SLIT2: variants seen among roughly 807,000 people sequenced by gnomAD.
The protein encoded by SLIT2 is slit guidance ligand 2, also known as slit homolog 2 protein.
In SLIT2, 41 loss-of-function variants were observed where a neutral mutation model predicts 185.7. The ratio of observed to expected loss-of-function variants is 0.22; its 90% confidence interval spans 0.17 to 0.29. The LOEUF (loss-of-function observed/expected upper bound fraction) is 0.29. Ranked by LOEUF, SLIT2 falls within the 10% of genes least tolerant of loss-of-function variation. SLIT2 has a pLI of 1.00. For missense variants in SLIT2, 1,571 were observed against 1,909.0 expected, an observed-to-expected ratio of 0.82 and a Z score of 3.30; for synonymous variants, 693 against 680.2, an observed-to-expected ratio of 1.02 and a Z score of -0.29.
At position 20,417,667 on chromosome 4, in the gene SLIT2, G is replaced by A. The variant is rs182658040; in HGVS notation, c.396-50085G>A. On this transcript the variant is annotated intron_variant, in intron 4 of 36. Transcript: ENST00000504154. ...CTCCCGAGTAGCTGGGACTATAGGC[G>A]CACCACCACGCCCAGCTAATTTTTT... is the stretch of plus-strand genomic sequence containing the variant. 8.2e-3 allele frequency among the ~76,000 whole-genome samples: 1,241 copies of A among 151,384 alleles called. 16 individuals are homozygous for A. The highest frequency in any genetic ancestry group is 9.4e-3 in the Non-Finnish European group (635 of 67,854).
intron 28 of SLIT2, among the ~76,000 whole-genome samples, 184 bp from the exon 29 acceptor site, chr4:20,568,681 T>C (rs557114317): frequency 6.6e-6 from 1 of 152,222 alleles, no homozygotes; most frequent in East Asian, 1.9e-4. Flanking sequence ...GTTTCTGCTT[T>C]GGTGGATATT....
intron 4 of SLIT2, among the ~76,000 whole-genome samples, chr4:20,365,096 C>T (rs888770743): frequency 2.2e-4 from 33 of 152,084 alleles, no homozygotes; most frequent in African/African-American, 7.0e-4. Flanking sequence ...TGAGTGTGCT[C>T]GTTCTGCAAG....
At chr4:20,259,607 T>G (rs1712224308) in intron 3 of SLIT2, among the ~76,000 whole-genome samples, 1 of 151,830 alleles carries the variant, frequency 6.6e-6, no homozygotes, top group Admixed American at 6.6e-5. Flanking sequence ...ACTTTCATCT[T>G]GAATAAATTA....
intron 4 of SLIT2, among the ~76,000 whole-genome samples, chr4:20,426,445 A>C (rs1184543981): frequency 6.6e-6 from 1 of 152,236 alleles, no homozygotes; most frequent in African/African-American, 2.4e-5. Flanking sequence ...TTTGCAAAAT[A>C]GTCATATTTC....
intron 4 of SLIT2, among the ~76,000 whole-genome samples, chr4:20,269,230 G>A (rs1261060826): frequency 4.0e-5 from 6 of 151,852 alleles, no homozygotes; most frequent in Non-Finnish European, 8.8e-5. Context: ...AGTTGGCAGT[G>A]TGTTCTTATA....
intron 4 of SLIT2, among the ~76,000 whole-genome samples, chr4:20,303,322 T>C (rs1004147370): frequency 8.5e-5 from 13 of 152,312 alleles, no homozygotes; most frequent in Admixed American, 7.2e-4. Context: ...GTGCAGTGGC[T>C]CTTTATATTT....
intron 4 of SLIT2, among the ~76,000 whole-genome samples, chr4:20,280,060 AT>A (rs1470268764): frequency 6.6e-6 from 1 of 152,226 alleles, no homozygotes; most frequent in East Asian, 1.9e-4. Flanking sequence ...ACAGCTGGGC[AT>A]GGTGGCTCAT....
chr4:20,473,508 T>C lies in SLIT2; in HGVS notation c.467+5685T>C, dbSNP rs900068169. On this transcript the variant is annotated intron_variant, in intron 5 of 36. Coordinates refer to ENST00000504154, the MANE Select transcript of SLIT2 (RefSeq NM_004787.4). ...ACATTATTTATTAGCATAAAACGATTTGGCAAACAGGATAGAGAGAGTTCA... is the reference window on the plus strand; with the variant it reads ...ACATTATTTATTAGCATAAAACGATCTGGCAAACAGGATAGAGAGAGTTCA... Among the ~76,000 whole-genome samples, 3 of 151,966 alleles carry C rather than the reference T, an allele frequency of 2.0e-5. No individual in the cohort carries two copies. In the East Asian group the frequency reaches 5.8e-4, roughly 29 times the overall value.
intron 5 of SLIT2, among the ~76,000 whole-genome samples, chr4:20,472,256 A>ATATATG (rs1217834075): frequency 2.2e-4 from 5 of 22,778 alleles, no homozygotes; most frequent in African/African-American, 3.0e-4. Flanking sequence ...CTATATATAG[A>ATATATG]TCTATATATA....
chr4:20,591,347 C>T (rs1727500833), intron 30 of SLIT2, among the ~76,000 whole-genome samples: 2 of 152,074 alleles, frequency 1.3e-5, no homozygotes, highest in South Asian at 4.1e-4. Flanking sequence ...GGGTCAGAAT[C>T]GCCAGATCCC....
At chr4:20,258,150 C>T (rs2109009691) in intron 3 of SLIT2, among the ~76,000 whole-genome samples, 1 of 151,956 alleles carries the variant, frequency 6.6e-6, no homozygotes, top group Non-Finnish European at 1.5e-5. Context: ...AATACAGTTA[C>T]TTTCCTGAGA....
chr4:20,390,235 T>C (rs921684128), intron 4 of SLIT2, among the ~76,000 whole-genome samples: 1 of 152,134 alleles, frequency 6.6e-6, no homozygotes, highest in African/African-American at 2.4e-5. Flanking sequence ...CAAAGTCAGC[T>C]GTCTGATGGA....
chr4:20,601,212 C>T (rs1728386188), intron 33 of SLIT2, among the ~76,000 whole-genome samples: 1 of 152,186 alleles, frequency 6.6e-6, no homozygotes, highest in Non-Finnish European at 1.5e-5. Flanking sequence ...AGCTGCTGTT[C>T]TAGAGATAGT....
intron 34 of SLIT2, among the ~76,000 whole-genome samples, chr4:20,613,952 A>C (rs1282458987): frequency 2.0e-5 from 3 of 151,908 alleles, no homozygotes; most frequent in Non-Finnish European, 4.4e-5. Flanking sequence ...GCTCACTGCA[A>C]CCTCCACCTC....
chr4:20,589,802 C>A, intron 30 of SLIT2, 65 bp downstream of exon 30: 1 of 1,072,598 alleles, frequency 9.3e-7, no homozygotes, highest in Non-Finnish European at 1.4e-6. Context: ...AGGAGCCCTT[C>A]TCCTCCTTCA....
chr4:20,338,152 A>AT (rs1271472880), intron 4 of SLIT2, among the ~76,000 whole-genome samples: 1 of 152,154 alleles, frequency 6.6e-6, no homozygotes, highest in African/African-American at 2.4e-5. Context: ...ACATTTTTAA[A>AT]TTGTTCTCAT....
intron 35 of SLIT2, 80 bp downstream of exon 35, chr4:20,617,278 G>A: frequency 7.2e-7 from 1 of 1,388,066 alleles, no homozygotes; most frequent in Non-Finnish European, 9.9e-7. Flanking sequence ...AAAGAAGAAG[G>A]GGAGGGGACG....
At chr4:20,493,037 C>T (rs1717917645) in intron 9 of SLIT2, among the ~76,000 whole-genome samples, 1 of 152,122 alleles carries the variant, frequency 6.6e-6, no homozygotes. Flanking sequence ...ATTGATAGAA[C>T]ATTACTTTAC....
chr4:20,507,237 AT>A, intron 9 of SLIT2, among the ~76,000 whole-genome samples: 1 of 152,120 alleles, frequency 6.6e-6, no homozygotes, highest in Non-Finnish European at 1.5e-5. Flanking sequence ...TTATTGTATA[AT>A]TTGGGTTTTT....
Sources: allele counts gnomAD v4.1 joint callset (sites outside exome capture counted in the v4.1 genomes callset), GRCh38; gene constraint gnomAD v4.1.1; transcripts MANE v1.5; gene names NCBI Gene and HGNC (gene_info 2026-07-23, HGNC 2026-07-21).